The following ANP32E variants were observed in gnomAD, a reference collection of about 807,000 sequenced individuals.
The protein encoded by ANP32E is acidic nuclear phosphoprotein 32 family member E, also known as acidic leucine-rich nuclear phosphoprotein 32 family member E.
In ANP32E, 14 loss-of-function variants were observed where a neutral mutation model predicts 35.3. The observed-to-expected ratio is 0.40, with a 90% CI of 0.26 to 0.62. The LOEUF is 0.62. ANP32E is among the 20% of genes least tolerant of loss of function. The probability of loss-of-function intolerance (pLI) is 0.45; values close to 1 mark genes in which losing one functional copy is unlikely to be tolerated. For missense variants in ANP32E, 198 were observed against 304.4 expected, an observed-to-expected ratio of 0.65 and a Z score of 2.60; for synonymous variants, 89 against 110.4, an observed-to-expected ratio of 0.81 and a Z score of 1.22.
intron 1 of ANP32E, among the ~76,000 whole-genome samples, chr1:150,233,807 G>C (rs1173128087): frequency 1.3e-5 from 2 of 152,118 alleles, no homozygotes; most frequent in Non-Finnish European, 2.9e-5. Context: ...TGGAGAAGAG[G>C]AAACTATGGC....
At chr1:150,230,996 G>A (rs1003955624) in intron 2 of ANP32E, among the ~76,000 whole-genome samples, 1 of 152,088 alleles carries the variant, frequency 6.6e-6, no homozygotes, top group Non-Finnish European at 1.5e-5. Flanking sequence ...ACCCGCCTCG[G>A]CCTCCCAAAG....
At chr1:150,230,477 G>T in intron 3 of ANP32E, 94 bp downstream of exon 3, 1 of 1,284,892 alleles carries the variant, frequency 7.8e-7, no homozygotes. Context: ...AAATTCTTAA[G>T]TTTTAAGAGT....
rs1648110522 is a variant in ANP32E, at chr1:150,218,661, G to T, written c.*2030C>A. 3.9e-5 allele frequency: 6 copies of T among 152,508 alleles called. 1 individual carries two copies. The South Asian group carries it at 1.2e-3, about 32-fold the overall frequency. The allele number at this position is 152,508 out of a possible 1,614,324, so 9.4% of individuals were successfully genotyped here. A position where few individuals can be genotyped will look rare whatever the true frequency, so the allele number is the denominator to read the frequency against. ...GAACTTAACACAATATATACATACT[G>T]CCATACAAAGAGCATTAAAATAGGA... On this transcript the variant is annotated 3_prime_UTR_variant, in exon 7 of 7. Transcript: ENST00000583931.
intron 6 of ANP32E, among the ~76,000 whole-genome samples, chr1:150,221,489 A>AAGGG (rs1213434995): frequency 6.6e-5 from 8 of 121,078 alleles, no homozygotes; most frequent in East Asian, 2.8e-4. Flanking sequence ...GAGAGGAAGG[A>AAGGG]AGGGAGGGAG....
chr1:150,222,256 TA>T (rs1553838323), intron 6 of ANP32E, among the ~76,000 whole-genome samples: 1 of 150,264 alleles, frequency 6.7e-6, no homozygotes, highest in Non-Finnish European at 1.5e-5. Flanking sequence ...CCGTCTCTAC[TA>T]AAAATACAAA....
intron 6 of ANP32E, among the ~76,000 whole-genome samples, chr1:150,221,265 C>T (rs879990219): frequency 1.2e-4 from 18 of 151,264 alleles, no homozygotes; most frequent in Non-Finnish European, 5.9e-5. Context: ...GGGTAAACCC[C>T]CCATCTCTAC....
Position 150,219,288 on chromosome 1 carries a change from A to G in ANP32E, c.*1403T>C, listed in dbSNP as rs587640758. The G allele has an allele frequency of 3.3e-5, 5 of 150,402 alleles. No homozygotes were observed. In the South Asian group the frequency reaches 1.0e-3, roughly 31 times the overall value. The allele number at this position is 150,402 out of a possible 1,614,324, so 9.3% of individuals were successfully genotyped here. A position where few individuals can be genotyped will look rare whatever the true frequency, so the allele number is the denominator to read the frequency against. The stretch of plus-strand genomic sequence containing the variant: ...CTTGAACATGGAGCCTCCATAGCAA[A>G]AGAGGAGATATACTTGTATACTCAT... On this transcript the variant is annotated 3_prime_UTR_variant, in exon 7 of 7. Coordinates refer to ENST00000583931, the MANE Select transcript of ANP32E (RefSeq NM_030920.5).
chr1:150,234,800 GGAAA>G, intron 1 of ANP32E: 4 of 378,982 alleles, frequency 1.1e-5, no homozygotes, highest in Admixed American at 6.4e-5. Context: ...AAAAGGAGGC[GGAAA>G]CGCCTCCTAC....
intron 3 of ANP32E, among the ~76,000 whole-genome samples, chr1:150,229,576 T>C (rs1489435395): frequency 1.3e-5 from 2 of 152,200 alleles, no homozygotes; most frequent in African/African-American, 4.8e-5. Context: ...CCTCCCGGGT[T>C]CAAGCGATTC....
chr1:150,229,571 C>T (rs1427453462), intron 3 of ANP32E, among the ~76,000 whole-genome samples: 2 of 152,178 alleles, frequency 1.3e-5, no homozygotes, highest in Non-Finnish European at 2.9e-5. Flanking sequence ...CTCCGCCTCC[C>T]GGGTTCAAGC....
At position 150,226,812 on chromosome 1, in the gene ANP32E, A is replaced by T. The variant is rs1275463701; in HGVS notation, c.494-17T>A. ...CATCGCCATCTTTAAAAAATCATTT[A>T]AAGATGAGTAAATGACTGGGTAAAT... On this transcript the variant is annotated splice_polypyrimidine_tract_variant and intron_variant, in intron 4 of 6. Transcript: ENST00000583931. The T allele has an allele frequency of 1.0e-5, 16 of 1,593,744 alleles. No homozygotes were observed. Among genetic ancestry groups the T allele is most frequent in the Non-Finnish European group, 1.4e-5 (16 of 1,174,498 alleles).
In ANP32E at chr1:150,219,559, A is replaced by C. The variant is rs2101749346; in HGVS notation, c.*1132T>G. On this transcript the variant is annotated 3_prime_UTR_variant, in exon 7 of 7. Transcript: ENST00000583931. ...AAATCATTTGAGAGGCCAACATTAAAATTTGACTTTAATGTCTTATTAATA... is the reference window on the plus strand; with the variant it reads ...AAATCATTTGAGAGGCCAACATTAACATTTGACTTTAATGTCTTATTAATA... The C allele has an allele frequency of 6.6e-6, 1 of 152,282 alleles. No homozygotes were observed. The highest frequency in any genetic ancestry group is 2.4e-5 in the African/African-American group (1 of 41,552). 9.4% of individuals were successfully genotyped at this position (152,282 alleles called of 1,614,324 possible). A position where few individuals can be genotyped will look rare whatever the true frequency, so the allele number is the denominator to read the frequency against.
chr1:150,221,538 AGG>A (rs1553837922), intron 6 of ANP32E, among the ~76,000 whole-genome samples: 15 of 32,374 alleles, frequency 4.6e-4, no homozygotes, highest in Middle Eastern at 0.013. Flanking sequence ...GGAGGAAGGG[AGG>A]GAGGGAGGGA....
rs1553840937 is a variant in ANP32E, at chr1:150,229,114, C to T, written c.451G>A (p.Glu151Lys). The change falls in exon 4 of 7, where the codon GAG (glutamate) becomes AAG (lysine). Residue 151 changes from glutamate (E) to lysine (K), a missense_variant. By Grantham distance (56) the Glu-to-Lys change is moderately conservative. Transcript: ENST00000583931. ...QITYLDGFDQ[E>K]DNEAPDSEEE... is the part of the protein sequence containing the mutation. Reference sequence around the variant, plus strand: ...TCAGAGTCCGGCGCTTCATTATCCTCCTGATCAAATCCATCTAAGTATGTG... The same window carrying T: ...TCAGAGTCCGGCGCTTCATTATCCTTCTGATCAAATCCATCTAAGTATGTG... 3 of 1,613,336 alleles carry T rather than the reference C, an allele frequency of 1.9e-6. No individual in the cohort carries two copies. Among genetic ancestry groups the T allele is most frequent in the African/African-American group, 1.3e-5 (1 of 74,840 alleles).
At position 150,220,768 on chromosome 1, in the gene ANP32E, G is replaced by A. The variant is rs1553837495; in HGVS notation, c.737-7C>T. On this transcript the variant is annotated splice_region_variant and splice_polypyrimidine_tract_variant and intron_variant, in intron 6 of 6. Transcript: ENST00000583931. ...CCTCGAAGACCTCCTTCTTCTTAAA[G>A]AGTGGAAAGAAAAATGCAAAGTGCT... is the stretch of plus-strand genomic sequence containing the variant. 6.2e-7 allele frequency: 1 copy of A among 1,611,978 alleles called. No individual in the cohort carries two copies. Among genetic ancestry groups the A allele is most frequent in the Non-Finnish European group, 8.5e-7 (1 of 1,178,506 alleles).
At chr1:150,231,207 C>G (rs1649321750) in intron 2 of ANP32E, among the ~76,000 whole-genome samples, 1 of 152,136 alleles carries the variant, frequency 6.6e-6, no homozygotes, top group Non-Finnish European at 1.5e-5. Context: ...AGCTTGGATT[C>G]TAGTTGTACT....
chr1:150,231,423 T>C (rs1198639980), intron 2 of ANP32E, among the ~76,000 whole-genome samples: 1 of 151,978 alleles, frequency 6.6e-6, no homozygotes, highest in Non-Finnish European at 1.5e-5. Flanking sequence ...GGTGAAACCC[T>C]ATCTCTGCAA....
At chr1:150,222,588 T>TA (rs1207964709) in intron 6 of ANP32E, among the ~76,000 whole-genome samples, 45 of 145,556 alleles carry the variant, frequency 3.1e-4, no homozygotes, top group African/African-American at 4.3e-4. Context: ...ACCCCATCTC[T>TA]AAAAAAAAAA....
chr1:150,221,874 T>C (rs1364620072), intron 6 of ANP32E, among the ~76,000 whole-genome samples: 2 of 152,002 alleles, frequency 1.3e-5, no homozygotes, highest in East Asian at 1.9e-4. Flanking sequence ...AGAGGATCAG[T>C]TGGGCCCAGG....
Sources: allele counts gnomAD v4.1 joint callset (sites outside exome capture counted in the v4.1 genomes callset), GRCh38; gene constraint gnomAD v4.1.1; transcripts MANE v1.5; gene names NCBI Gene and HGNC (gene_info 2026-07-23, HGNC 2026-07-21).